Variants in BIRC5 observed in about 807,000 individuals in gnomAD.
BIRC5 encodes the protein baculoviral IAP repeat-containing protein 5.
In BIRC5, 8 loss-of-function variants were observed where a neutral mutation model predicts 15.8. The ratio of observed to expected loss-of-function variants is 0.51; its 90% CI spans 0.30 to 0.91. The LOEUF (loss-of-function observed/expected upper bound fraction) is 0.91. Among genes scored for constraint, BIRC5 ranks in the 40% least tolerant of loss-of-function variants. BIRC5 has a pLI of 0.07. For missense variants in BIRC5, 163 were observed against 178.6 expected, an observed-to-expected ratio of 0.91 and a Z score of 0.50; for synonymous variants, 56 against 64.5, an observed-to-expected ratio of 0.87 and a Z score of 0.63.
chr17:78,217,942 C>A (rs2076491130), intron 3 of BIRC5, among the ~76,000 whole-genome samples: 1 of 148,148 alleles, frequency 6.8e-6, no homozygotes, highest in Non-Finnish European at 1.5e-5. Flanking sequence ...CAGGCGCACC[C>A]CACCATGCCC....
intron 2 of BIRC5, chr17:78,216,030 A>G: frequency 1.0e-6 from 1 of 988,702 alleles, no homozygotes; most frequent in Non-Finnish European, 1.2e-6. Flanking sequence ...CGGGCGGATC[A>G]CGAGGTCAGG....
In BIRC5 at chr17:78,223,811, G is replaced by A. The variant is rs1264595539; in HGVS notation, c.*257G>A. On this transcript the variant is annotated 3_prime_UTR_variant, in exon 4 of 4. Coordinates refer to ENST00000350051, the MANE Select transcript of BIRC5 (RefSeq NM_001168.3). ...CTCTCTTTTTTGGGGGCTCATTTTT[G>A]CTGTTTTGATTCCCGGGCTTACCAG... The A allele has an allele frequency of 1.3e-6, 1 of 746,914 alleles. No individual in the cohort carries two copies. The highest frequency in any genetic ancestry group is 3.8e-4 in the Middle Eastern group (1 of 2,606). 46.3% of individuals were successfully genotyped at this position (746,914 alleles called of 1,614,324 possible).
intron 3 of BIRC5, among the ~76,000 whole-genome samples, chr17:78,221,508 G>T (rs1177746989): frequency 1.3e-5 from 2 of 151,594 alleles, no homozygotes; most frequent in African/African-American, 4.9e-5. Context: ...CTGACGGCAA[G>T]CTCCGCCTCC....
intron 2 of BIRC5, chr17:78,215,002 C>T (rs2076467534): frequency 2.0e-6 from 1 of 506,974 alleles, no homozygotes; most frequent in South Asian, 2.1e-5. Flanking sequence ...TTGGGGTGGA[C>T]GTAAGATGCC....
chr17:78,217,903 C>T (rs1402279175), intron 3 of BIRC5, among the ~76,000 whole-genome samples: 1 of 151,768 alleles, frequency 6.6e-6, no homozygotes, highest in African/African-American at 2.4e-5. Context: ...GTGATCCTCC[C>T]ACCTCATCCT....
chr17:78,217,695 C>T (rs2076489151), intron 3 of BIRC5, among the ~76,000 whole-genome samples: 2 of 150,980 alleles, frequency 1.3e-5, no homozygotes, highest in South Asian at 4.2e-4. Flanking sequence ...GACGGGTTTT[C>T]ACCGTGTTAG....
At position 78,224,851 on chromosome 17, in the gene BIRC5, AC is replaced by A. The variant is rs2145903258; in HGVS notation, c.*1301del. 6.6e-6 allele frequency: 1 copy of A among 152,238 alleles called. No homozygotes were observed. The highest frequency in any genetic ancestry group is 2.4e-5 in the African/African-American group (1 of 41,546). 9.4% of individuals were successfully genotyped at this position (152,238 alleles called of 1,614,324 possible). A position where few individuals can be genotyped will look rare whatever the true frequency, so the allele number is the denominator to read the frequency against. On this transcript the variant is annotated 3_prime_UTR_variant, in exon 4 of 4. Transcript: ENST00000350051. The stretch of plus-strand genomic sequence containing the variant: ...CTCTGGGCGCTTGCCAGAGCCACGA[AC>A]CCCAGACCTGTTTGTATCATCCGGG...
intron 3 of BIRC5, among the ~76,000 whole-genome samples, chr17:78,221,434 T>C (rs2076514905): frequency 1.3e-5 from 2 of 151,674 alleles, no homozygotes; most frequent in South Asian, 4.2e-4. Flanking sequence ...ATTTTTTTTT[T>C]TCTCTTTTTT....
At chr17:78,221,573 C>T (rs1335028044) in intron 3 of BIRC5, among the ~76,000 whole-genome samples, 1 of 152,180 alleles carries the variant, frequency 6.6e-6, no homozygotes, top group Non-Finnish European at 1.5e-5. Context: ...ACTACAGGCG[C>T]TGGGATTACA....
In BIRC5 at chr17:78,223,389, T is replaced by A. The variant is rs1317762842; in HGVS notation, c.340-76T>A. 10 of 1,384,422 alleles carry A rather than the reference T, an allele frequency of 7.2e-6. No individual in the cohort carries two copies. In the Admixed American group the frequency reaches 9.6e-5, roughly 13 times the overall value. 85.8% of individuals were successfully genotyped at this position (1,384,422 alleles called of 1,614,324 possible). A position where few individuals can be genotyped will look rare whatever the true frequency, so the allele number is the denominator to read the frequency against. On this transcript the variant is annotated intron_variant, in intron 3 of 3. Coordinates refer to ENST00000350051, the MANE Select transcript of BIRC5 (RefSeq NM_001168.3). ...CTCTCAGTGTTCCCTGATTGTTTTTTCCTTTGTCATCTTATCTACAGGATG... is the reference window on the plus strand; with the variant it reads ...CTCTCAGTGTTCCCTGATTGTTTTTACCTTTGTCATCTTATCTACAGGATG...
At chr17:78,215,812 TTGTG>T (rs2076473487) in intron 2 of BIRC5, among the ~76,000 whole-genome samples, 1 of 152,196 alleles carries the variant, frequency 6.6e-6, no homozygotes, top group African/African-American at 2.4e-5. Context: ...TTTTTGGACT[TTGTG>T]TGGCCATGTT....
At chr17:78,215,332 G>C (rs1306635881) in intron 2 of BIRC5, among the ~76,000 whole-genome samples, 3 of 151,990 alleles carry the variant, frequency 2.0e-5, no homozygotes, top group Admixed American at 6.6e-5. Context: ...CAGGAGAATC[G>C]CTTGAACCTG....
At chr17:78,221,028 G>A (rs771533536) in intron 3 of BIRC5, among the ~76,000 whole-genome samples, 19 of 152,236 alleles carry the variant, frequency 1.2e-4, no homozygotes, top group African/African-American at 3.6e-4. Flanking sequence ...CATCCAGGGC[G>A]ATGCATTGGG....
At chr17:78,223,263 T>C (rs1403815644) in intron 3 of BIRC5, among the ~76,000 whole-genome samples, 1 of 152,206 alleles carries the variant, frequency 6.6e-6, no homozygotes, top group African/African-American at 2.4e-5. Context: ...TATTCGATGA[T>C]TAGGAGGCAG....
At chr17:78,218,808 T>C (rs2076497893) in intron 3 of BIRC5, among the ~76,000 whole-genome samples, 2 of 152,104 alleles carry the variant, frequency 1.3e-5, no homozygotes, top group African/African-American at 4.8e-5. Flanking sequence ...GGTTTCATCA[T>C]GTTGGCCAGG....
Position 78,223,788 on chromosome 17 carries a change from CTCT to C in BIRC5, c.*236_*238del. The C allele has an allele frequency of 1.1e-6, 1 of 927,226 alleles. No homozygotes were observed. The highest frequency in any genetic ancestry group is 1.5e-6 in the Non-Finnish European group (1 of 663,790). 57.4% of individuals were successfully genotyped at this position (927,226 alleles called of 1,614,324 possible). On this transcript the variant is annotated 3_prime_UTR_variant, in exon 4 of 4. Transcript: ENST00000350051. ...ACAGTGGCTGCTTCTCTCTCTCTCT[CTCT>C]TTTTTGGGGGCTCATTTTTGCTGTT...
chr17:78,223,019 C>T, intron 3 of BIRC5: 3 of 1,437,844 alleles, frequency 2.1e-6, no homozygotes, highest in Non-Finnish European at 1.8e-6. Context: ...GAGCAGAGCT[C>T]TGCCTAGACT....
At chr17:78,218,317 C>T (rs1187602086) in intron 3 of BIRC5, among the ~76,000 whole-genome samples, 2 of 149,084 alleles carry the variant, frequency 1.3e-5, no homozygotes, top group South Asian at 2.1e-4. Context: ...TTTTTTGAGA[C>T]GAGTCTCACT....
Position 78,225,453 on chromosome 17 carries a change from A to G in BIRC5, c.*1899A>G, listed in dbSNP as rs1375524057. ...GGGTTGTGAATGAGGCTTCTGGGCT[A>G]TGGGTGAGGTTCCAATGGCAGGTTA... On this transcript the variant is annotated 3_prime_UTR_variant, in exon 4 of 4. Coordinates refer to ENST00000350051, the MANE Select transcript of BIRC5 (RefSeq NM_001168.3). 1 of 152,164 alleles carries G rather than the reference A, an allele frequency of 6.6e-6. No homozygotes were observed. Among genetic ancestry groups the G allele is most frequent in the Non-Finnish European group, 1.5e-5 (1 of 68,032 alleles). 9.4% of individuals were successfully genotyped at this position (152,164 alleles called of 1,614,324 possible).
Sources: gnomAD v4.1 joint callset for allele counts (sites outside exome capture counted in the v4.1 genomes callset) on GRCh38, gnomAD v4.1.1 for gene constraint, MANE v1.5 for transcripts, NCBI Gene and HGNC (gene_info 2026-07-23, HGNC 2026-07-21) for gene names.